The following PALLD variants were observed in gnomAD, a reference collection of about 807,000 sequenced individuals.
PALLD encodes the protein palladin, cytoskeletal associated protein.
PALLD carries 61 observed loss-of-function variants against 123.5 expected under a neutral mutation model. The ratio of observed to expected loss-of-function variants is 0.49; its 90% CI spans 0.40 to 0.61. The LOEUF is 0.61. PALLD is among the 20% of genes least tolerant of loss of function. PALLD has a pLI of 0.00. For missense variants in PALLD, 1,273 were observed against 1,377.0 expected (o/e 0.92, Z 1.20); for synonymous variants, 465 against 496.4 (o/e 0.94, Z 0.84).
chr4:168,857,599 C>A (rs1022645417), intron 10 of PALLD, among the ~76,000 whole-genome samples: 9 of 152,158 alleles, frequency 5.9e-5, no homozygotes, highest in African/African-American at 2.2e-4. Context: ...TACCAAGAAG[C>A]CTAGATCAGC....
intron 10 of PALLD, among the ~76,000 whole-genome samples, chr4:168,852,874 T>G (rs1003294176): frequency 4.6e-5 from 7 of 152,224 alleles, no homozygotes; most frequent in African/African-American, 1.7e-4. Context: ...GTTTAGAATA[T>G]TTTATGTATC....
chr4:168,582,668 T>C (rs1469338189), intron 2 of PALLD, among the ~76,000 whole-genome samples: 1 of 152,178 alleles, frequency 6.6e-6, no homozygotes, highest in Non-Finnish European at 1.5e-5. Context: ...TCTTTCTGCA[T>C]CTATGGAGAT....
At chr4:168,721,637 AAAAT>A (rs1304874097) in intron 10 of PALLD, among the ~76,000 whole-genome samples, 20 of 152,200 alleles carry the variant, frequency 1.3e-4, no homozygotes, top group Admixed American at 1.1e-3. Flanking sequence ...GTATTATTTT[AAAAT>A]AAATAGGTAC....
intron 1 of PALLD, among the ~76,000 whole-genome samples, chr4:168,509,444 C>A (rs954925193): frequency 1.3e-5 from 2 of 152,132 alleles, no homozygotes; most frequent in African/African-American, 2.4e-5. Flanking sequence ...CAAAATCATA[C>A]TTTAACTGCC....
intron 2 of PALLD, among the ~76,000 whole-genome samples, chr4:168,558,983 G>A (rs1767597200): frequency 6.6e-6 from 1 of 152,142 alleles, no homozygotes; most frequent in Non-Finnish European, 1.5e-5. Context: ...GTTATTACAG[G>A]ACTAGGTTGG....
chr4:168,819,390 G>A (rs1444620815), intron 10 of PALLD, among the ~76,000 whole-genome samples: 1 of 151,788 alleles, frequency 6.6e-6, no homozygotes, highest in African/African-American at 2.4e-5. Flanking sequence ...TGTGAATAAT[G>A]TGAGGTAACC....
At chr4:168,814,549 T>C (rs1213221550) in intron 10 of PALLD, among the ~76,000 whole-genome samples, 2 of 152,126 alleles carry the variant, frequency 1.3e-5, no homozygotes, top group Admixed American at 1.3e-4. Flanking sequence ...TAGGACGAAA[T>C]TACTTCCTCA....
intron 2 of PALLD, among the ~76,000 whole-genome samples, chr4:168,527,912 T>C (rs1764224316): frequency 6.6e-6 from 1 of 152,288 alleles, no homozygotes. Flanking sequence ...CTAAGTCAAA[T>C]GAAGGTCTCC....
At chr4:168,810,987 T>G (rs941725674) in intron 10 of PALLD, among the ~76,000 whole-genome samples, 1 of 152,078 alleles carries the variant, frequency 6.6e-6, no homozygotes, top group Non-Finnish European at 1.5e-5. Flanking sequence ...AGTCAGAGGT[T>G]AAGGACAAAA....
At chr4:168,797,116 C>T (rs922969234) in intron 10 of PALLD, among the ~76,000 whole-genome samples, 22 of 152,108 alleles carry the variant, frequency 1.4e-4, no homozygotes, top group African/African-American at 5.3e-4. Context: ...TGATTTTGAC[C>T]TGTGCCAATC....
chr4:168,879,527 ATTCAAGTTATTT>A (rs1752328813), intron 10 of PALLD, among the ~76,000 whole-genome samples: 8 of 152,332 alleles, frequency 5.3e-5, no homozygotes, highest in Middle Eastern at 3.4e-3. Context: ...AGATCTTAGA[ATTCAAGTTATTT>A]TCATTCATCT....
At position 168,829,673 on chromosome 4, in the gene PALLD, C is replaced by T. The variant is rs373201555; in HGVS notation, c.1965-61249C>T. ...CATCACAGCCTGCAAGAAAACCCTG[C>T]TGCAGGCCACGTGATGTCATTGCTG... On this transcript the variant is annotated intron_variant, in intron 10 of 21. Coordinates refer to ENST00000505667, the MANE Select transcript of PALLD (RefSeq NM_001166108.2). Among the ~76,000 whole-genome samples the T allele has an allele frequency of 3.4e-4, 52 of 152,318 alleles. 1 individual carries two copies. The South Asian group carries it at 4.1e-3, about 12-fold the overall frequency.
At chr4:168,807,073 C>T (rs1740316909) in intron 10 of PALLD, among the ~76,000 whole-genome samples, 1 of 151,818 alleles carries the variant, frequency 6.6e-6, no homozygotes. Flanking sequence ...GCGATGAGAG[C>T]CAGAAACAAA....
rs115487125 is a variant in PALLD at position 168,519,466 on chromosome 4, G to C, written c.908+7054G>C. Among the ~76,000 whole-genome samples, 621 of 152,014 alleles carry C rather than the reference G, an allele frequency of 4.1e-3. 6 individuals carry two copies. Among genetic ancestry groups the C allele is most frequent in the African/African-American group, 0.014 (594 of 41,454 alleles). Reference sequence around the variant, plus strand: ...CGGATAGGTTGGCTTTTAGCCATTTGTCCATATAATTTTCAGGGTTGTTTT... The same window carrying C: ...CGGATAGGTTGGCTTTTAGCCATTTCTCCATATAATTTTCAGGGTTGTTTT... On this transcript the variant is annotated intron_variant, in intron 2 of 21. Coordinates refer to ENST00000505667, the MANE Select transcript of PALLD (RefSeq NM_001166108.2).
At chr4:168,670,826 C>T (rs561690207) in intron 3 of PALLD, among the ~76,000 whole-genome samples, 2 of 149,142 alleles carry the variant, frequency 1.3e-5, no homozygotes, top group South Asian at 4.2e-4. Flanking sequence ...TGGCTCACAC[C>T]TGTAATCCCA....
chr4:168,812,021 T>C (rs1741238618), intron 10 of PALLD, among the ~76,000 whole-genome samples: 2 of 151,996 alleles, frequency 1.3e-5, no homozygotes, highest in South Asian at 4.2e-4. Flanking sequence ...TGTTTGACAA[T>C]ATAGAAAAGG....
At chr4:168,830,968 G>T (rs543768030) in intron 10 of PALLD, among the ~76,000 whole-genome samples, 1 of 152,304 alleles carries the variant, frequency 6.6e-6, no homozygotes, top group Non-Finnish European at 1.5e-5. Flanking sequence ...TTCAGTAAAT[G>T]GTAGATATTA....
rs573879394 is a variant in PALLD at position 168,880,210 on chromosome 4, T to G, written c.1965-10712T>G. Among the ~76,000 whole-genome samples, 9 of 152,350 alleles carry G rather than the reference T, an allele frequency of 5.9e-5. No homozygotes were observed. The South Asian group carries it at 1.7e-3, about 28-fold the overall frequency. On this transcript the variant is annotated intron_variant, in intron 10 of 21. Coordinates refer to ENST00000505667, the MANE Select transcript of PALLD (RefSeq NM_001166108.2). ...GGCTTACCTCAAGTAACAGGAGCAC[T>G]TGCTTCTTGTCAGCATCTATCACAG...
intron 13 of PALLD, chr4:168,897,865 A>G (rs1755563153): frequency 6.7e-6 from 1 of 149,880 alleles, no homozygotes; most frequent in Non-Finnish European, 1.5e-5. Context: ...TGTCAGTCCT[A>G]TTTTTTCTTC....
Sources: allele counts gnomAD v4.1 joint callset (sites outside exome capture counted in the v4.1 genomes callset), GRCh38; gene constraint gnomAD v4.1.1; transcripts MANE v1.5; gene names NCBI Gene and HGNC (gene_info 2026-07-23, HGNC 2026-07-21).